Variants in MRPS30 observed in about 807,000 individuals in gnomAD.
MRPS30 encodes the protein large ribosomal subunit protein mL65.
A neutral mutation model predicts 43.8 loss-of-function variants in MRPS30; 42 were observed. The observed-to-expected ratio is 0.96, with a 90% CI of 0.75 to 1.24. The LOEUF (loss-of-function observed/expected upper bound fraction) is 1.24, where lower values mean the gene tolerates loss of function less well. MRPS30 is among the 50% of genes most tolerant of loss of function. The probability of loss-of-function intolerance (pLI) is 0.00; values close to 1 mark genes in which losing one functional copy is unlikely to be tolerated. For missense variants in MRPS30, 638 were observed against 570.0 expected (o/e 1.12, Z -1.22); for synonymous variants, 273 against 228.2 (o/e 1.20, Z -1.77).
In MRPS30 at chr5:44,809,100, G is replaced by A. The variant is rs1401440871; in HGVS notation, c.138G>A (p.Pro46=). The change falls in exon 1 of 5, where the codon CCG becomes CCA. Residue 46 remains proline, a synonymous_variant. Transcript: ENST00000507110. ...CGACCCCCGTCGCGCGGTACCCGCCGATTGTGGCCTCCATGACAGCCGACA... is the reference window on the plus strand; with the variant it reads ...CGACCCCCGTCGCGCGGTACCCGCCAATTGTGGCCTCCATGACAGCCGACA... ...VAATPVARYP[P]IVASMTADSK... 5 of 1,611,646 alleles carry A rather than the reference G, an allele frequency of 3.1e-6. No individual in the cohort carries two copies. The highest frequency in any genetic ancestry group is 4.2e-6 in the Non-Finnish European group (5 of 1,179,468).
chr5:44,809,331 G>GGAGCCC lies in MRPS30; in HGVS notation c.384_389dup (p.Glu134_Pro135dup), dbSNP rs760461308. 11,394 of 1,610,934 alleles carry GGAGCCC rather than the reference G, an allele frequency of 7.1e-3. 84 individuals carry two copies. Among genetic ancestry groups the GGAGCCC allele is most frequent in the Middle Eastern group, 0.024 (145 of 6,058 alleles). ...TGTCGGGTCTGCCGCCGCCCCCAGC[G>GGAGCCC]GAGCCCGAGCCCGAGCCCGAACCCG... On this transcript the variant is annotated inframe_insertion, in exon 1 of 5. Transcript: ENST00000507110.
rs762800436 is a variant in MRPS30 at position 44,813,165 on chromosome 5, A to G, written c.913A>G (p.Lys305Glu). 1 of 1,613,550 alleles carries G rather than the reference A, an allele frequency of 6.2e-7. No individual in the cohort carries two copies. Among genetic ancestry groups the G allele is most frequent in the East Asian group, 2.2e-5 (1 of 44,820 alleles). ...GHTQFHLLPD[K>E]LRRERLLRQN... ...CACCCAGTTTCATCTGTTACCTGAC[A>G]AATTAAGAAGGGAAAGGCTTTTGAG... is the stretch of plus-strand genomic sequence containing the variant. The change falls in exon 4 of 5, where the codon AAA becomes GAA. Residue 305 changes from lysine to glutamate, a missense_variant. Lys to Glu is a moderately conservative substitution (Grantham distance 56). Transcript: ENST00000507110.
chr5:44,809,455 C>T lies in MRPS30; in HGVS notation c.493C>T (p.Arg165Cys). 1 of 1,613,872 alleles carries T rather than the reference C, an allele frequency of 6.2e-7. No homozygotes were observed. Among genetic ancestry groups the T allele is most frequent in the Non-Finnish European group, 8.5e-7 (1 of 1,180,010 alleles). Reference protein sequence around the residue: ...FYLRRRRRVHRYEESEVISLP... With the variant: ...FYLRRRRRVHCYEESEVISLP... ...CCTGCGGCGCAGGCGGCGCGTGCAC[C>T]GTTACGAGGAGAGCGAGGTCATATC... is the stretch of plus-strand genomic sequence containing the variant. The change falls in exon 1 of 5, where the codon CGT becomes TGT. Residue 165 changes from arginine to cysteine, a missense_variant. Transcript: ENST00000507110.
At chr5:44,810,975 C>A (rs1409150407) in intron 1 of MRPS30, 34 bp from the exon 2 acceptor site, 2 of 1,590,546 alleles carry the variant, frequency 1.3e-6, no homozygotes, top group Admixed American at 1.7e-5. Context: ...TTTAGATGAT[C>A]AGATGAAAAA....
In MRPS30 at chr5:44,811,158, AG is replaced by A; in HGVS notation, c.747+6del. 1 of 1,613,826 alleles carries A rather than the reference AG, an allele frequency of 6.2e-7. No individual in the cohort carries two copies. Among genetic ancestry groups the A allele is most frequent in the Non-Finnish European group, 8.5e-7 (1 of 1,179,764 alleles). ...AATATCCAAGCAACTCGCAGAGGTA[AG>A]GATTTATTGCGATTATGTATCTATT... On this transcript the variant is annotated splice_donor_5th_base_variant and intron_variant, in intron 2 of 4. Transcript: ENST00000507110.
intron 2 of MRPS30, 110 bp from the exon 3 acceptor site, chr5:44,811,805 A>G (rs1742843221): frequency 1.4e-6 from 1 of 691,856 alleles, no homozygotes; most frequent in Admixed American, 3.5e-5. Context: ...TAGTATTATC[A>G]AATCATTTTG....
rs201514017 is a variant in MRPS30, at chr5:44,809,338, G to A, written c.376G>A (p.Glu126Lys). ...SGLPPPPAEP[E>K]PEPEPEPEPA... Reference sequence around the variant, plus strand: ...TCTGCCGCCGCCCCCAGCGGAGCCCGAGCCCGAGCCCGAACCCGAACCTGA... The same window carrying A: ...TCTGCCGCCGCCCCCAGCGGAGCCCAAGCCCGAGCCCGAACCCGAACCTGA... Residue 126 changes from glutamate to lysine, a missense_variant, in exon 1 of 5, where the codon GAG becomes AAG. Glu to Lys is a moderately conservative substitution (Grantham distance 56). Transcript: ENST00000507110. 121 of 1,608,506 alleles carry A rather than the reference G, an allele frequency of 7.5e-5. 1 individual carries two copies. Among genetic ancestry groups the A allele is most frequent in the Middle Eastern group, 4.9e-4 (3 of 6,076 alleles).
At chr5:44,809,880 A>C (rs1043212991) in intron 1 of MRPS30, 7 of 318,576 alleles carry the variant, frequency 2.2e-5, no homozygotes, top group Non-Finnish European at 4.0e-5. Flanking sequence ...GAGAAACGCC[A>C]CTTAAGAGAG....
rs963177485 is a variant in MRPS30 at position 44,809,001 on chromosome 5, T to G, written c.39T>G (p.Gly13=). 6.2e-7 allele frequency: 1 copy of G among 1,609,256 alleles called. No individual in the cohort carries two copies. Residue 13 remains glycine (G), a synonymous_variant, in exon 1 of 5, where the codon GGT becomes GGG. Coordinates refer to ENST00000507110, the MANE Select transcript of MRPS30 (RefSeq NM_016640.4). ...GGTGTTGGAGGCCTTTGCTACGCGG[T>G]CCGAGGCTTTCATTGCACACCGCGG... ...AARCWRPLLR[G]PRLSLHTAAN...
rs1742847017 is a variant in MRPS30, at chr5:44,811,983, A to G, written c.816A>G (p.Pro272=). 1 of 1,603,502 alleles carries G rather than the reference A, an allele frequency of 6.2e-7. No homozygotes were observed. The highest frequency in any genetic ancestry group is 2.3e-5 in the East Asian group (1 of 44,380). Residue 272 remains proline (P), a synonymous_variant, in exon 3 of 5, where the codon CCA becomes CCG. Transcript: ENST00000507110. ...PTIKCKPDKL[P]LFKRQYENHI... ...TAAAATGTAAACCAGACAAACTTCC[A>G]TTATTCAAACGGCAGTATGAAAACC...
chr5:44,809,388 G>C lies in MRPS30; in HGVS notation c.426G>C (p.Leu142=). ...EPEPALDLAA[L]RAVACDCLLQ... is the part of the protein sequence containing the mutation. ...AACCTGCGCTGGACCTCGCGGCGCT[G>C]CGTGCGGTCGCCTGCGACTGCCTGC... is the stretch of plus-strand genomic sequence containing the variant. The change falls in exon 1 of 5, where the codon CTG becomes CTC. Residue 142 remains leucine (L), a synonymous_variant. Transcript: ENST00000507110. 1 of 1,609,664 alleles carries C rather than the reference G, an allele frequency of 6.2e-7. No homozygotes were observed. Among genetic ancestry groups the C allele is most frequent in the Non-Finnish European group, 8.5e-7 (1 of 1,178,002 alleles).
chr5:44,814,755 A>G (rs1035180951), intron 4 of MRPS30, among the ~76,000 whole-genome samples, 158 bp from the exon 5 acceptor site: 2 of 152,228 alleles, frequency 1.3e-5, no homozygotes, highest in Non-Finnish European at 2.9e-5. Flanking sequence ...TAGGGTTAGA[A>G]TAGAGATGAT....
chr5:44,809,425 T>C lies in MRPS30; in HGVS notation c.463T>C (p.Phe155Leu). The C allele has an allele frequency of 6.2e-7, 1 of 1,613,476 alleles. No homozygotes were observed. Among genetic ancestry groups the C allele is most frequent in the Non-Finnish European group, 8.5e-7 (1 of 1,179,822 alleles). Residue 155 changes from phenylalanine (F) to leucine (L), a missense_variant, in exon 1 of 5, where the codon TTC (phenylalanine) becomes CTC (leucine). Physicochemically the swap from Phe to Leu is conservative, Grantham distance 22. Transcript: ENST00000507110. Reference sequence around the variant, plus strand: ...CTGCGACTGCCTGCTGCAGGAGCACTTCTACCTGCGGCGCAGGCGGCGCGT... The same window carrying C: ...CTGCGACTGCCTGCTGCAGGAGCACCTCTACCTGCGGCGCAGGCGGCGCGT... ...VACDCLLQEHFYLRRRRRVHR... is the reference protein window; with the variant it reads ...VACDCLLQEHLYLRRRRRVHR...
At chr5:44,814,866 G>A in intron 4 of MRPS30, 47 bp from the exon 5 acceptor site, 1 of 1,505,156 alleles carries the variant, frequency 6.6e-7, no homozygotes, top group South Asian at 1.3e-5. Flanking sequence ...TTTTGTTTGG[G>A]TAAGATATAT....
chr5:44,809,415 G>A lies in MRPS30; in HGVS notation c.453G>A (p.Leu151=), dbSNP rs1028839704. Residue 151 remains leucine (L), a synonymous_variant, in exon 1 of 5, where the codon CTG becomes CTA. Coordinates refer to ENST00000507110, the MANE Select transcript of MRPS30 (RefSeq NM_016640.4). The part of the protein sequence containing the change: ...ALRAVACDCL[L]QEHFYLRRRR... ...GTGCGGTCGCCTGCGACTGCCTGCTGCAGGAGCACTTCTACCTGCGGCGCA... is the reference window on the plus strand; with the variant it reads ...GTGCGGTCGCCTGCGACTGCCTGCTACAGGAGCACTTCTACCTGCGGCGCA... 1.6e-5 allele frequency: 25 copies of A among 1,612,828 alleles called. No homozygotes were observed. Among genetic ancestry groups the A allele is most frequent in the Non-Finnish European group, 2.0e-5 (24 of 1,179,586 alleles).
chr5:44,809,281 C>T lies in MRPS30; in HGVS notation c.319C>T (p.Gln107Ter). Residue 107 changes from glutamine (Q) to a stop codon, truncating the protein, a stop_gained, in exon 1 of 5, where the codon CAG (glutamine) becomes TAG (stop). Transcript: ENST00000507110. LOFTEE classifies it high-confidence loss of function. ...CGCGCTGAATGCCGACCGCTGGTAC[C>T]AGTACTTCACCAAGACCGTGTTCCT... ...TFALNADRWY[Q>*]YFTKTVFLSG... The T allele has an allele frequency of 1.2e-6, 2 of 1,613,388 alleles. No homozygotes were observed. Among genetic ancestry groups the T allele is most frequent in the Non-Finnish European group, 1.7e-6 (2 of 1,179,832 alleles).
intron 1 of MRPS30, 22 bp from the exon 2 acceptor site, chr5:44,810,987 A>C: frequency 6.2e-7 from 1 of 1,606,782 alleles, no homozygotes; most frequent in Non-Finnish European, 8.5e-7. Flanking sequence ...GATGAAAAAA[A>C]TTTTGAATAT....
intron 3 of MRPS30, among the ~76,000 whole-genome samples, chr5:44,812,648 T>C (rs1489266770): frequency 1.7e-5 from 1 of 60,382 alleles, no homozygotes; most frequent in East Asian, 9.0e-4. Context: ...TGCTACTTAT[T>C]TTTTTTTTTT....
Position 44,809,569 on chromosome 5 carries a change from C to G in MRPS30, c.601+6C>G, listed in dbSNP as rs777270390. 3.4e-5 allele frequency: 54 copies of G among 1,581,164 alleles called. No homozygotes were observed. Among genetic ancestry groups the G allele is most frequent in the Non-Finnish European group, 4.5e-5 (52 of 1,165,028 alleles). ...CCTGGCCGCTGCCGCCCTCGGTGAG[C>G]CTTGGATTCCGCCCCAGGGCGGAAG... On this transcript the variant is annotated splice_donor_region_variant and intron_variant, in intron 1 of 4. Coordinates refer to ENST00000507110, the MANE Select transcript of MRPS30 (RefSeq NM_016640.4).
Sources: allele counts gnomAD v4.1 joint callset (sites outside exome capture counted in the v4.1 genomes callset), GRCh38; gene constraint gnomAD v4.1.1; transcripts MANE v1.5; gene names NCBI Gene and HGNC (gene_info 2026-07-23, HGNC 2026-07-21).